The following SKIDA1 variants were observed in gnomAD, a reference collection of about 807,000 sequenced individuals.
The protein encoded by SKIDA1 is SKI/DACH domain-containing protein 1.
SKIDA1 carries 18 observed loss-of-function variants against 51.4 expected under a neutral mutation model. That is an observed-to-expected ratio of 0.35 (90% CI 0.24 to 0.52). The LOEUF (loss-of-function observed/expected upper bound fraction) is 0.52, where lower values mean the gene tolerates loss of function less well. Ranked by LOEUF, SKIDA1 falls within the 20% of genes least tolerant of loss-of-function variation. The probability of loss-of-function intolerance (pLI) is 0.95; values close to 1 mark genes in which losing one functional copy is unlikely to be tolerated. For missense variants in SKIDA1, 1,104 were observed against 1,180.6 expected (o/e 0.94, Z 0.95); for synonymous variants, 579 against 500.5 (o/e 1.16, Z -2.09).
In SKIDA1 at chr10:21,513,709, G is replaced by A. The variant is rs773756013; in HGVS notation, c.*1387C>T. ...TAGAAACTCTCCTGCTCTATACACA[G>A]GATGGTCTGAAAACACAAGTTTTAG... On this transcript the variant is annotated 3_prime_UTR_variant, in exon 4 of 4. Transcript: ENST00000449193. 2.0e-5 allele frequency: 3 copies of A among 152,506 alleles called. No individual in the cohort carries two copies. The highest frequency in any genetic ancestry group is 4.4e-5 in the Non-Finnish European group (3 of 68,026). 9.4% of individuals were successfully genotyped at this position (152,506 alleles called of 1,614,324 possible). A position where few individuals can be genotyped will look rare whatever the true frequency, so the allele number is the denominator to read the frequency against.
rs1279200532 is a variant in SKIDA1 at position 21,515,041 on chromosome 10, A to G, written c.*55T>C. 6.7e-7 allele frequency: 1 copy of G among 1,494,446 alleles called. No homozygotes were observed. The highest frequency in any genetic ancestry group is 8.9e-7 in the Non-Finnish European group (1 of 1,122,820). 92.6% of individuals were successfully genotyped at this position (1,494,446 alleles called of 1,614,324 possible). A position where few individuals can be genotyped will look rare whatever the true frequency, so the allele number is the denominator to read the frequency against. ...TGGACTTGTACAAACCATCCTGTGCAGTTTACAACAAAAGGAAGGTAATAT... is the reference window on the plus strand; with the variant it reads ...TGGACTTGTACAAACCATCCTGTGCGGTTTACAACAAAAGGAAGGTAATAT... On this transcript the variant is annotated 3_prime_UTR_variant, in exon 4 of 4. Transcript: ENST00000449193.
In SKIDA1 at chr10:21,520,187, G is replaced by A. The variant is rs553273174; in HGVS notation, c.-1836-529C>T. Among the ~76,000 whole-genome samples, 314 of 152,276 alleles carry A rather than the reference G, an allele frequency of 2.1e-3. 1 individual carries two copies. Among genetic ancestry groups the A allele is most frequent in the Middle Eastern group, 6.8e-3 (2 of 294 alleles). On this transcript the variant is annotated intron_variant, in intron 3 of 3. Transcript: ENST00000449193. ...TCTCGTGATATTTCAGGCTTTAAACGTAACCGAGAGGCAGCAATGAACAAT... is the reference window on the plus strand; with the variant it reads ...TCTCGTGATATTTCAGGCTTTAAACATAACCGAGAGGCAGCAATGAACAAT...
In SKIDA1 at chr10:21,514,002, G is replaced by A. The variant is rs946011140; in HGVS notation, c.*1094C>T. The A allele has an allele frequency of 5.9e-5, 9 of 151,904 alleles. No homozygotes were observed. Among genetic ancestry groups the A allele is most frequent in the Non-Finnish European group, 1.0e-4 (7 of 68,008 alleles). The allele number at this position is 151,904 out of a possible 1,614,324, so 9.4% of individuals were successfully genotyped here. On this transcript the variant is annotated 3_prime_UTR_variant, in exon 4 of 4. Transcript: ENST00000449193. Reference sequence around the variant, plus strand: ...GGCCGAGACAGGCGGATCACCTGAGGTCAGGAGTTCGGGACCAGCCTGGTC... The same window carrying A: ...GGCCGAGACAGGCGGATCACCTGAGATCAGGAGTTCGGGACCAGCCTGGTC...
In SKIDA1 at chr10:21,516,021, C is replaced by G. The variant is rs746895818; in HGVS notation, c.1802G>C (p.Cys601Ser). The change falls in exon 4 of 4, where the codon TGC becomes TCC. Residue 601 changes from cysteine to serine, a missense_variant. Coordinates refer to ENST00000449193, the MANE Select transcript of SKIDA1 (RefSeq NM_207371.4). The surrounding 1 kb of genome is among the most constrained non-coding windows in gnomAD (Gnocchi z 5.7). The part of the protein sequence containing the change: ...QQRILREARK[C>S]LQTTPTTHCA... ...GTGTGTAGTAGGAGTTGTTTGTAGG[C>G]ATTTCCTAGCCTCTCGGAGTATTCT... The G allele has an allele frequency of 6.2e-7, 1 of 1,614,026 alleles. No individual in the cohort carries two copies. The highest frequency in any genetic ancestry group is 8.5e-7 in the Non-Finnish European group (1 of 1,179,898).
At chr10:21,521,277 C>A (rs1053799402) in intron 3 of SKIDA1, 112 bp downstream of exon 3, 1 of 152,346 alleles carries the variant, frequency 6.6e-6, no homozygotes, top group East Asian at 1.9e-4. Context: ...TCAATAGCTA[C>A]CAACATTTAT....
intron 2 of SKIDA1, among the ~76,000 whole-genome samples, chr10:21,522,365 G>C (rs1323939191): frequency 2.8e-5 from 4 of 140,808 alleles, no homozygotes; most frequent in Non-Finnish European, 4.5e-5. Context: ...AATTCAGACA[G>C]AAAAGAGTAA....
rs1398754299 is a variant in SKIDA1 at position 21,517,861 on chromosome 10, T to C, written c.-39A>G. Reference sequence around the variant, plus strand: ...TGATCCCCACCATTTGCAGTAAATATATACGTGACGCATACATACACATGT... The same window carrying C: ...TGATCCCCACCATTTGCAGTAAATACATACGTGACGCATACATACACATGT... On this transcript the variant is annotated 5_prime_UTR_variant, in exon 4 of 4. The change creates a new upstream start codon in the 5' untranslated region. Coordinates refer to ENST00000449193, the MANE Select transcript of SKIDA1 (RefSeq NM_207371.4). This position sits in a 1 kb window ranked among gnomAD's most constrained non-coding sequence, Gnocchi z 6.9. The C allele has an allele frequency of 6.5e-7, 1 of 1,539,700 alleles. No individual in the cohort carries two copies.
chr10:21,516,856 G>C lies in SKIDA1; in HGVS notation c.967C>G (p.Leu323Val). The C allele has an allele frequency of 7.2e-7, 1 of 1,396,268 alleles. No individual in the cohort carries two copies. Among genetic ancestry groups the C allele is most frequent in the African/African-American group, 1.5e-5 (1 of 67,076 alleles). The allele number at this position is 1,396,268 out of a possible 1,614,324, so 86.5% of individuals were successfully genotyped here. Residue 323 changes from leucine (L) to valine (V), a missense_variant, in exon 4 of 4, where the codon CTG becomes GTG. Physicochemically the swap from Leu to Val is conservative, Grantham distance 32 (BLOSUM62 1). Coordinates refer to ENST00000449193, the MANE Select transcript of SKIDA1 (RefSeq NM_207371.4). The surrounding 1 kb of genome is among the most constrained non-coding windows in gnomAD (Gnocchi z 5.7). ...AAAAAAGATC[L>V]ERFHLVNGFC... is the part of the protein sequence containing the mutation. ...CCGTTGACCAGATGAAACCTCTCCA[G>C]GCAAGTGGCCCCCGCGGCGGCCGCC...
chr10:21,515,967 C>T lies in SKIDA1; in HGVS notation c.1856G>A (p.Arg619Lys), dbSNP rs764659727. ...HCADNNTIAARFLNNDSSGAE... is the reference protein window; with the variant it reads ...HCADNNTIAAKFLNNDSSGAE... ...TCCTGAAGAATCATTATTTAAGAAC[C>T]TAGCAGCTATTGTGTTGTTATCTGC... is the stretch of plus-strand genomic sequence containing the variant. Residue 619 changes from arginine (R) to lysine (K), a missense_variant, in exon 4 of 4, where the codon AGG becomes AAG. Arg to Lys is a conservative substitution (Grantham distance 26). Transcript: ENST00000449193. 1 of 1,613,886 alleles carries T rather than the reference C, an allele frequency of 6.2e-7. No individual in the cohort carries two copies. Among genetic ancestry groups the T allele is most frequent in the Non-Finnish European group, 8.5e-7 (1 of 1,179,830 alleles).
Position 21,516,303 on chromosome 10 carries a change from T to C in SKIDA1, c.1520A>G (p.Asp507Gly), listed in dbSNP as rs1243870306. 1 of 1,613,776 alleles carries C rather than the reference T, an allele frequency of 6.2e-7. No individual in the cohort carries two copies. Among genetic ancestry groups the C allele is most frequent in the Admixed American group, 1.7e-5 (1 of 60,032 alleles). ...AAFEDAGRLP[D>G]LKSSVKAESP... ...CTCCGCTTTGACACTACTCTTGAGG[T>C]CGGGAAGTCTGCCGGCATCCTCGAA... The change falls in exon 4 of 4, where the codon GAC becomes GGC. Residue 507 changes from aspartate (D) to glycine (G), a missense_variant. Transcript: ENST00000449193. This position sits in a 1 kb window ranked among gnomAD's most constrained non-coding sequence, Gnocchi z 5.7.
chr10:21,525,441 G>A (rs956369805), intron 1 of SKIDA1, 106 bp downstream of exon 1: 3 of 152,152 alleles, frequency 2.0e-5, no homozygotes, highest in Admixed American at 1.3e-4. Context: ...CGATGTGTGC[G>A]GGAGTCCCCA....
chr10:21,517,440 C>A lies in SKIDA1; in HGVS notation c.383G>T (p.Arg128Leu). The part of the protein sequence containing the change: ...PPERAAAASP[R>L]PGFWKDKHQL... The stretch of plus-strand genomic sequence containing the variant: ...GTGCTTGTCCTTCCAAAATCCCGGG[C>A]GGGGGCTGGCGGCAGCGGCGCGCTC... Residue 128 changes from arginine to leucine, a missense_variant, in exon 4 of 4, where the codon CGC becomes CTC. Coordinates refer to ENST00000449193, the MANE Select transcript of SKIDA1 (RefSeq NM_207371.4). The surrounding 1 kb of genome is among the most constrained non-coding windows in gnomAD (Gnocchi z 6.9). 1 of 1,495,458 alleles carries A rather than the reference C, an allele frequency of 6.7e-7. No individual in the cohort carries two copies. Among genetic ancestry groups the A allele is most frequent in the Non-Finnish European group, 8.9e-7 (1 of 1,128,512 alleles). 92.6% of individuals were successfully genotyped at this position (1,495,458 alleles called of 1,614,324 possible).
chr10:21,516,570 C>T lies in SKIDA1; in HGVS notation c.1253G>A (p.Gly418Glu), dbSNP rs760638769. ...SVSSEEEEEE[G>E]EEEEEEEEEE... ...CTCCTCTTCCTCCTCCTCCTCCTCT[C>T]CCTCCTCCTCCTCTTCCTCTGAGGA... The change falls in exon 4 of 4, where the codon GGA becomes GAA. Residue 418 changes from glycine (G) to glutamate (E), a missense_variant. Gly to Glu is a moderately conservative substitution (Grantham distance 98, BLOSUM62 -2). Coordinates refer to ENST00000449193, the MANE Select transcript of SKIDA1 (RefSeq NM_207371.4). The surrounding 1 kb of genome is among the most constrained non-coding windows in gnomAD (Gnocchi z 5.7). 44 of 1,541,300 alleles carry T rather than the reference C, an allele frequency of 2.9e-5. No individual in the cohort carries two copies. Among genetic ancestry groups the T allele is most frequent in the Middle Eastern group, 1.7e-4 (1 of 5,754 alleles).
chr10:21,521,087 C>CACAT (rs895431761), intron 3 of SKIDA1, among the ~76,000 whole-genome samples: 2 of 151,690 alleles, frequency 1.3e-5, no homozygotes, highest in Admixed American at 6.6e-5. Context: ...CACACACACA[C>CACAT]AAACACAGAA....
Position 21,515,774 on chromosome 10 carries a change from G to T in SKIDA1, c.2049C>A (p.His683Gln), listed in dbSNP as rs747451221. The T allele has an allele frequency of 3.1e-6, 5 of 1,613,882 alleles. No homozygotes were observed. The highest frequency in any genetic ancestry group is 4.2e-6 in the Non-Finnish European group (5 of 1,179,884). ...TGTCTTCTACTTTGATTTTAATATT[G>T]TGCAGAAATGGCAATGTCTTGTCGC... is the stretch of plus-strand genomic sequence containing the variant. ...DTGDKTLPFL[H>Q]NIKIKVEDSS... The change falls in exon 4 of 4, where the codon CAC (histidine) becomes CAA (glutamine). Residue 683 changes from histidine to glutamine, a missense_variant. Transcript: ENST00000449193.
At position 21,516,896 on chromosome 10, in the gene SKIDA1, C is replaced by CGAAAATAAGCAGGGTCCGAGGG; in HGVS notation, c.926_927insCCCTCGGACCCTGCTTATTTTC (p.Ala310ProfsTer136). ...CGGCGGCCGCCGCCGCCGCTGCCGC[C>CGAAAATAAGCAGGGTCCGAGGG]GCCGCCGCCGCCGCCGCCGCCTTGG... On this transcript the variant is annotated frameshift_variant, in exon 4 of 4. Transcript: ENST00000449193. LOFTEE classifies it high-confidence loss of function. This position sits in a 1 kb window ranked among gnomAD's most constrained non-coding sequence, Gnocchi z 5.7. 8.8e-7 allele frequency: 1 copy of CGAAAATAAGCAGGGTCCGAGGG among 1,140,358 alleles called. No homozygotes were observed. Among genetic ancestry groups the CGAAAATAAGCAGGGTCCGAGGG allele is most frequent in the Non-Finnish European group, 1.1e-6 (1 of 932,968 alleles). The allele number at this position is 1,140,358 out of a possible 1,614,324, so 70.6% of individuals were successfully genotyped here. A position where few individuals can be genotyped will look rare whatever the true frequency, so the allele number is the denominator to read the frequency against.
In SKIDA1 at chr10:21,517,834, A is replaced by C; in HGVS notation, c.-12T>G. 6.3e-7 allele frequency: 1 copy of C among 1,594,188 alleles called. No homozygotes were observed. The highest frequency in any genetic ancestry group is 1.1e-5 in the South Asian group (1 of 89,202). ...TTCAGGTCTCCCATCTCGGGCACTA[A>C]ATGATCCCCACCATTTGCAGTAAAT... On this transcript the variant is annotated 5_prime_UTR_variant, in exon 4 of 4. The change creates a new upstream start codon in the 5' untranslated region. Transcript: ENST00000449193. This position sits in a 1 kb window ranked among gnomAD's most constrained non-coding sequence, Gnocchi z 6.9.
In SKIDA1 at chr10:21,523,666, C is replaced by T. The variant is rs759884640; in HGVS notation, c.-1929+17G>A. 7.9e-5 allele frequency: 12 copies of T among 152,036 alleles called. No individual in the cohort carries two copies. Among genetic ancestry groups the T allele is most frequent in the Non-Finnish European group, 1.8e-4 (12 of 68,018 alleles). The allele number at this position is 152,036 out of a possible 1,614,324, so 9.4% of individuals were successfully genotyped here. The stretch of plus-strand genomic sequence containing the variant: ...CATATAGAGACTGAAGTGGTGACAC[C>T]AAGTGTTGAGGCCTACCTATGGGCT... On this transcript the variant is annotated intron_variant, in intron 2 of 3. Coordinates refer to ENST00000449193, the MANE Select transcript of SKIDA1 (RefSeq NM_207371.4).
rs539596870 is a variant in SKIDA1, at chr10:21,516,836, G to A, written c.987C>T (p.Val329=). The A allele has an allele frequency of 2.4e-4, 376 of 1,541,918 alleles. 6 individuals carry two copies. In the South Asian group the frequency reaches 4.1e-3, roughly 17 times the overall value. ...GATCLERFHL[V]NGFCPPPHHH... is the part of the protein sequence containing the mutation. The stretch of plus-strand genomic sequence containing the variant: ...GGTGCGGAGGCGGGCAGAAGCCGTT[G>A]ACCAGATGAAACCTCTCCAGGCAAG... Residue 329 remains valine (V), a synonymous_variant, in exon 4 of 4, where the codon GTC becomes GTT. Transcript: ENST00000449193. The surrounding 1 kb of genome is among the most constrained non-coding windows in gnomAD (Gnocchi z 5.7).
Sources: gnomAD v4.1 joint callset for allele counts (sites outside exome capture counted in the v4.1 genomes callset) on GRCh38, gnomAD v4.1.1 for gene constraint, Gnocchi (gnomAD v3.1) non-coding constraint, MANE v1.5 for transcripts, NCBI Gene and HGNC (gene_info 2026-07-23, HGNC 2026-07-21) for gene names.